The following DNAI1 variants were observed in gnomAD, a reference collection of about 807,000 sequenced individuals.
The protein encoded by DNAI1 is dynein, axonemal, intermediate polypeptide 1.
DNAI1 carries 67 observed loss-of-function variants against 92.0 expected under a neutral mutation model. That is an observed-to-expected ratio of 0.73 (90% confidence interval 0.60 to 0.89). The LOEUF (loss-of-function observed/expected upper bound fraction) is 0.89, where lower values mean the gene tolerates loss of function less well. Among genes scored for constraint, DNAI1 ranks in the 40% least tolerant of loss-of-function variants. DNAI1 has a pLI of 0.00. For synonymous variants in DNAI1, 323 were observed against 319.6 expected, an observed-to-expected ratio of 1.01 and a Z score of -0.11; for missense variants, 839 against 866.6, an observed-to-expected ratio of 0.97 and a Z score of 0.40.
At chr9:34,512,674 T>C (rs1189220628) in intron 15 of DNAI1, among the ~76,000 whole-genome samples, 1 of 152,256 alleles carries the variant, frequency 6.6e-6, no homozygotes, top group Non-Finnish European at 1.5e-5. Flanking sequence ...GGTGCTGTTA[T>C]GCAGATCCAG....
rs6476448 is a variant in DNAI1, at chr9:34,462,123, C to A, written c.48+3070C>A. Among the ~76,000 whole-genome samples the A allele has an allele frequency of 6.5e-3, 987 of 152,242 alleles. 6 individuals carry two copies. The highest frequency in any genetic ancestry group is 0.021 in the African/African-American group (892 of 41,532). On this transcript the variant is annotated intron_variant, in intron 1 of 19. Coordinates refer to ENST00000242317, the MANE Select transcript of DNAI1 (RefSeq NM_012144.4). The stretch of plus-strand genomic sequence containing the variant: ...CCTTGTTGCTTTCAGGATAAAGTCC[C>A]AAAAGTCCAATTTGCTTGGTATGGC...
chr9:34,493,776 G>A (rs1824661121), intron 9 of DNAI1, among the ~76,000 whole-genome samples: 1 of 152,054 alleles, frequency 6.6e-6, no homozygotes, highest in Admixed American at 6.6e-5. Context: ...GAATCTTCAG[G>A]GCCAGGAGCC....
Position 34,475,056 on chromosome 9 carries a change from C to T in DNAI1, c.49-8392C>T, listed in dbSNP as rs115203465. The stretch of plus-strand genomic sequence containing the variant: ...CTATTCAAAGTTTTAATATTTTCTT[C>T]AACTATAAACACTTATTGAGTGCCT... On this transcript the variant is annotated intron_variant, in intron 1 of 19. Coordinates refer to ENST00000242317, the MANE Select transcript of DNAI1 (RefSeq NM_012144.4). Among the ~76,000 whole-genome samples the T allele has an allele frequency of 2.7e-3, 406 of 152,312 alleles. 1 individual carries two copies. The highest frequency in any genetic ancestry group is 9.2e-3 in the African/African-American group (382 of 41,556).
chr9:34,513,980 A>G (rs1170030158), intron 16 of DNAI1, among the ~76,000 whole-genome samples: 2 of 152,214 alleles, frequency 1.3e-5, no homozygotes, highest in Non-Finnish European at 2.9e-5. Flanking sequence ...CACTGTTGCA[A>G]GGATGATGTC....
chr9:34,515,068 A>G (rs1214993921), intron 18 of DNAI1, among the ~76,000 whole-genome samples: 1 of 152,200 alleles, frequency 6.6e-6, no homozygotes, highest in East Asian at 1.9e-4. Flanking sequence ...GGAAAAATGT[A>G]TGAGCCAGAG....
At chr9:34,472,979 C>G (rs1824169894) in intron 1 of DNAI1, among the ~76,000 whole-genome samples, 3 of 151,854 alleles carry the variant, frequency 2.0e-5, no homozygotes, top group Admixed American at 1.3e-4. Flanking sequence ...ACACTGCATG[C>G]ACAAAAACCA....
At chr9:34,513,392 T>C (rs976306749) in intron 16 of DNAI1, among the ~76,000 whole-genome samples, 3 of 152,178 alleles carry the variant, frequency 2.0e-5, no homozygotes, top group Non-Finnish European at 4.4e-5. Context: ...ATGGAGAATC[T>C]AGAGGGTGAC....
At chr9:34,479,513 C>T (rs1824300387) in intron 1 of DNAI1, among the ~76,000 whole-genome samples, 1 of 152,182 alleles carries the variant, frequency 6.6e-6, no homozygotes, top group Non-Finnish European at 1.5e-5. Context: ...AAAACAATTA[C>T]ACTCAAATTG....
intron 9 of DNAI1, among the ~76,000 whole-genome samples, chr9:34,496,375 C>T (rs1824725659): frequency 6.6e-6 from 1 of 152,258 alleles, no homozygotes; most frequent in African/African-American, 2.4e-5. Context: ...CTGCCACCTG[C>T]CCTAAGCCCT....
In DNAI1 at chr9:34,514,641, AC is replaced by A; in HGVS notation, c.1724del (p.Pro575ArgfsTer7). ...TVKIWDHTIK[T>X]PMFIYDLNSA... The stretch of plus-strand genomic sequence containing the variant: ...GCTTTCCACCCTCCACCTCTGCAGG[AC>A]CCCGATGTTCATCTATGACCTGAAC... On this transcript the variant is annotated frameshift_variant and splice_region_variant, in exon 18 of 20. Transcript: ENST00000242317. LOFTEE classifies it high-confidence loss of function. 1 of 1,613,990 alleles carries A rather than the reference AC, an allele frequency of 6.2e-7. No homozygotes were observed. The highest frequency in any genetic ancestry group is 1.1e-5 in the South Asian group (1 of 91,068).
chr9:34,485,324 T>C (rs901735711), intron 3 of DNAI1, 84 bp downstream of exon 3: 1 of 1,600,076 alleles, frequency 6.2e-7, no homozygotes, highest in Non-Finnish European at 8.6e-7. Flanking sequence ...GATTAGGAGC[T>C]TGCCCAGAAC....
intron 9 of DNAI1, among the ~76,000 whole-genome samples, chr9:34,494,741 G>C (rs1824681729): frequency 6.6e-6 from 1 of 152,290 alleles, no homozygotes; most frequent in East Asian, 1.9e-4. Context: ...CAGCTTAGCT[G>C]ACTTGGAAGA....
intron 1 of DNAI1, among the ~76,000 whole-genome samples, chr9:34,472,241 T>A (rs1324578833): frequency 2.0e-5 from 3 of 152,216 alleles, no homozygotes; most frequent in Non-Finnish European, 2.9e-5. Flanking sequence ...AGCAATTCTA[T>A]GAGGAGGGCA....
Position 34,517,271 on chromosome 9 carries a change from C to T in DNAI1, c.1819-14C>T, listed in dbSNP as rs779487812. ...TCATTACCCCTGAGTGTGCTGACACCGACCTCTCCACAGGCCCACATATTT... is the reference window on the plus strand; with the variant it reads ...TCATTACCCCTGAGTGTGCTGACACTGACCTCTCCACAGGCCCACATATTT... On this transcript the variant is annotated splice_polypyrimidine_tract_variant and intron_variant, in intron 18 of 19. Transcript: ENST00000242317. The T allele has an allele frequency of 3.7e-5, 59 of 1,612,428 alleles. No homozygotes were observed. In the South Asian group the frequency reaches 4.4e-4, roughly 12 times the overall value.
In DNAI1 at chr9:34,489,523, C is replaced by T. The variant is rs187153203; in HGVS notation, c.388+74C>T. On this transcript the variant is annotated intron_variant, in intron 5 of 19. Transcript: ENST00000242317. ...TATTCTGGTCACTCTAGGGAGTATA[C>T]CTCTAAGCCAGAACTTTTCAGAGCT... The T allele has an allele frequency of 4.0e-5, 63 of 1,565,752 alleles. No homozygotes were observed. In the East Asian group the frequency reaches 1.1e-3, roughly 26 times the overall value.
chr9:34,508,607 C>T (rs1379937534), intron 13 of DNAI1, among the ~76,000 whole-genome samples: 2 of 152,140 alleles, frequency 1.3e-5, no homozygotes, highest in African/African-American at 4.8e-5. Flanking sequence ...CTCAGATAGC[C>T]CAGGGCCAAG....
At chr9:34,507,632 G>A (rs1414309560) in intron 13 of DNAI1, among the ~76,000 whole-genome samples, 1 of 152,182 alleles carries the variant, frequency 6.6e-6, no homozygotes, top group Non-Finnish European at 1.5e-5. Flanking sequence ...TGTTGGTCAA[G>A]GGTCAACTGT....
At chr9:34,459,712 C>T (rs929128328) in intron 1 of DNAI1, among the ~76,000 whole-genome samples, 1 of 152,238 alleles carries the variant, frequency 6.6e-6, no homozygotes, top group Non-Finnish European at 1.5e-5. Flanking sequence ...TTCCGAAGTG[C>T]TGGGATTACA....
chr9:34,509,877 G>A (rs1564040644), intron 13 of DNAI1, among the ~76,000 whole-genome samples: 2 of 149,092 alleles, frequency 1.3e-5, no homozygotes, highest in African/African-American at 5.0e-5. Context: ...TCCGGCCTGG[G>A]CGACAGAGCG....
Sources: gnomAD v4.1 joint callset for allele counts (sites outside exome capture counted in the v4.1 genomes callset) on GRCh38, gnomAD v4.1.1 for gene constraint, MANE v1.5 for transcripts, NCBI Gene and HGNC (gene_info 2026-07-23, HGNC 2026-07-21) for gene names.